Variants in ARB2A observed in about 807,000 individuals in gnomAD.
ARB2A encodes ARB2 cotranscriptional regulator A, also known as cotranscriptional regulator ARB2A.
the ARB2A span, among the ~76,000 whole-genome samples, chr5:93,705,840 A>G: frequency 1.3e-5 from 2 of 152,090 alleles, no homozygotes; most frequent in Non-Finnish European, 2.9e-5. Flanking sequence ...AGAAATTTCA[A>G]CTCAAATAAC....
the ARB2A span, among the ~76,000 whole-genome samples, chr5:93,927,422 T>G: frequency 6.6e-6 from 1 of 152,156 alleles, no homozygotes; most frequent in Non-Finnish European, 1.5e-5. Flanking sequence ...AACTGCTGTT[T>G]GTGGCTAAGC....
At chr5:93,923,988 T>C in the ARB2A span, among the ~76,000 whole-genome samples, 1 of 151,938 alleles carries the variant, frequency 6.6e-6, no homozygotes, top group African/African-American at 2.4e-5. Context: ...GAGTGGAAAG[T>C]TTTTGAGCAA....
At chr5:93,905,465 A>G in the ARB2A span, among the ~76,000 whole-genome samples, 4,924 of 151,710 alleles carry the variant, frequency 0.032, 138 homozygotes, top group East Asian at 0.14. Context: ...ATATAAGAAT[A>G]AAGTAACTTT....
chr5:94,089,785 G>A, the ARB2A span, among the ~76,000 whole-genome samples: 1 of 152,010 alleles, frequency 6.6e-6, no homozygotes, highest in Non-Finnish European at 1.5e-5. Flanking sequence ...ATAGAAAGGA[G>A]CTCTTTCACA....
At chr5:93,712,537 T>G in the ARB2A span, among the ~76,000 whole-genome samples, 1 of 152,172 alleles carries the variant, frequency 6.6e-6, no homozygotes, top group South Asian at 2.1e-4. Flanking sequence ...GTTATGGTCC[T>G]GTATGTAGAA....
chr5:93,677,579 C>G, the ARB2A span, among the ~76,000 whole-genome samples: 1 of 152,284 alleles, frequency 6.6e-6, no homozygotes, highest in Non-Finnish European at 1.5e-5. Context: ...CAGGCAGGCA[C>G]GAGAGGCTAT....
the ARB2A span, among the ~76,000 whole-genome samples, chr5:94,081,807 T>C: frequency 6.6e-6 from 1 of 151,976 alleles, no homozygotes; most frequent in Non-Finnish European, 1.5e-5. Flanking sequence ...ATGTATTAAA[T>C]GGTTCTCTCT....
At chr5:93,775,669 T>G in the ARB2A span, among the ~76,000 whole-genome samples, 566 of 152,342 alleles carry the variant, frequency 3.7e-3, 3 homozygotes, top group African/African-American at 0.012. Flanking sequence ...CTGTCTCCTT[T>G]GCACAGGATG....
At chr5:94,059,518 G>C in the ARB2A span, among the ~76,000 whole-genome samples, 1 of 151,304 alleles carries the variant, frequency 6.6e-6, no homozygotes, top group Non-Finnish European at 1.5e-5. Flanking sequence ...GTACTTGGGA[G>C]GCCGAGGCAG....
chr5:93,675,382 TATG>T, the ARB2A span, among the ~76,000 whole-genome samples: 31 of 152,206 alleles, frequency 2.0e-4, no homozygotes, highest in African/African-American at 6.5e-4. Context: ...CATGCTGAGA[TATG>T]ATATGAATTG....
the ARB2A span, among the ~76,000 whole-genome samples, chr5:94,102,374 T>C: frequency 0.015 from 2,301 of 152,194 alleles, 58 homozygotes; most frequent in African/African-American, 0.052. Flanking sequence ...AATTTCATAA[T>C]ACAATCAGAA....
the ARB2A span, among the ~76,000 whole-genome samples, chr5:93,779,738 G>T: frequency 6.6e-6 from 1 of 152,164 alleles, no homozygotes; most frequent in Non-Finnish European, 1.5e-5. Context: ...AGAAAAATAG[G>T]TAATGTAGAA....
chr5:94,079,686 T>C, the ARB2A span, among the ~76,000 whole-genome samples: 1 of 152,212 alleles, frequency 6.6e-6, no homozygotes, highest in Admixed American at 6.5e-5. Context: ...TGGACATAGA[T>C]ATCTACAGAC....
At chr5:93,784,494 A>C in the ARB2A span, 1 of 1,611,604 alleles carries the variant, frequency 6.2e-7, no homozygotes, top group South Asian at 1.1e-5. Flanking sequence ...CTTCTCGTTG[A>C]ATCATCTGTT....
At chr5:94,101,756 A>G in the ARB2A span, among the ~76,000 whole-genome samples, 1 of 152,164 alleles carries the variant, frequency 6.6e-6, no homozygotes. Context: ...ACTCATGAAC[A>G]TAAAGAAAGG....
At chr5:93,659,713 G>A in the ARB2A span, among the ~76,000 whole-genome samples, 1 of 152,080 alleles carries the variant, frequency 6.6e-6, no homozygotes, top group Non-Finnish European at 1.5e-5. Context: ...TTCTTACCAT[G>A]TGCAAGAAAC....
At chr5:93,636,095 T>TA in the ARB2A span, among the ~76,000 whole-genome samples, 1 of 152,342 alleles carries the variant, frequency 6.6e-6, no homozygotes, top group African/African-American at 2.4e-5. Flanking sequence ...GTATTCTGAA[T>TA]ATATGGATAA....
chr5:93,634,271 G>C, the ARB2A span, among the ~76,000 whole-genome samples: 2 of 151,724 alleles, frequency 1.3e-5, no homozygotes, highest in Non-Finnish European at 2.9e-5. Context: ...GTGGTGGTGC[G>C]GGCCCGTAGT....
the ARB2A span, among the ~76,000 whole-genome samples, chr5:93,780,399 C>T: frequency 9.2e-5 from 14 of 152,294 alleles, no homozygotes; most frequent in Admixed American, 5.9e-4. Context: ...CTTCATTTAC[C>T]TTTTACCTCT....
Sources: allele counts gnomAD v4.1 joint callset (sites outside exome capture counted in the v4.1 genomes callset), GRCh38; gene constraint gnomAD v4.1.1; transcripts MANE v1.5; gene names NCBI Gene and HGNC (gene_info 2026-07-23, HGNC 2026-07-21).